The following ZNF385B variants were observed in gnomAD, a reference collection of about 807,000 sequenced individuals.
ZNF385B encodes zinc finger protein 385B.
In ZNF385B, 23 loss-of-function variants were observed where a neutral mutation model predicts 39.2. The observed-to-expected ratio is 0.59, with a 90% CI of 0.42 to 0.83. The LOEUF (loss-of-function observed/expected upper bound fraction) is 0.83, where lower values mean the gene tolerates loss of function less well. Ranked by LOEUF, ZNF385B falls within the 40% of genes least tolerant of loss-of-function variation. ZNF385B has a pLI of 0.00. For missense variants in ZNF385B, 552 were observed against 598.9 expected (o/e 0.92, Z 0.82); for synonymous variants, 205 against 222.6 (o/e 0.92, Z 0.70).
intron 5 of ZNF385B, among the ~76,000 whole-genome samples, chr2:179,494,108 C>T (rs2055891554): frequency 2.0e-5 from 3 of 151,612 alleles, no homozygotes; most frequent in African/African-American, 7.3e-5. Flanking sequence ...GTGTAACGTG[C>T]CATTTTAAGT....
chr2:179,825,641 G>T (rs1707637777), intron 1 of ZNF385B, among the ~76,000 whole-genome samples: 1 of 152,124 alleles, frequency 6.6e-6, no homozygotes, highest in Non-Finnish European at 1.5e-5. Context: ...GGCTTTATCA[G>T]TTAAGGAGTA....
intron 5 of ZNF385B, among the ~76,000 whole-genome samples, chr2:179,501,638 A>G (rs2056772836): frequency 6.6e-6 from 1 of 152,162 alleles, no homozygotes; most frequent in Non-Finnish European, 1.5e-5. Flanking sequence ...CCAAAAAGAA[A>G]ATACAAAGAA....
intron 1 of ZNF385B, among the ~76,000 whole-genome samples, chr2:179,828,705 T>A (rs958204406): frequency 1.3e-5 from 2 of 152,176 alleles, no homozygotes; most frequent in African/African-American, 4.8e-5. Context: ...AACTTTAAAA[T>A]CTTTTCTTTA....
intron 4 of ZNF385B, chr2:179,534,830 A>G (rs965778233): frequency 1.3e-5 from 2 of 152,140 alleles, no homozygotes; most frequent in African/African-American, 4.8e-5. Flanking sequence ...TGAGGTCCCA[A>G]AGAACTCTCC....
chr2:179,461,220 GTA>G (rs1294976222), intron 6 of ZNF385B, among the ~76,000 whole-genome samples: 1 of 152,132 alleles, frequency 6.6e-6, no homozygotes, highest in Non-Finnish European at 1.5e-5. Flanking sequence ...TGTAACATAA[GTA>G]TGTTTGCTGA....
chr2:179,554,057 A>C (rs1243627836), intron 3 of ZNF385B, among the ~76,000 whole-genome samples: 1 of 148,974 alleles, frequency 6.7e-6, no homozygotes, highest in Non-Finnish European at 1.5e-5. Context: ...AAGAGTAGCT[A>C]TATCATAGGA....
At chr2:179,452,178 T>A (rs1456746111) in intron 6 of ZNF385B, among the ~76,000 whole-genome samples, 1 of 152,142 alleles carries the variant, frequency 6.6e-6, no homozygotes, top group Admixed American at 6.6e-5. Context: ...CAAAGTAGTG[T>A]CCTTGGGAAG....
chr2:179,646,305 C>G (rs1692713640), intron 3 of ZNF385B, among the ~76,000 whole-genome samples: 1 of 152,128 alleles, frequency 6.6e-6, no homozygotes, highest in South Asian at 2.1e-4. Context: ...AACCCAGCTA[C>G]TCAGCAGGCT....
chr2:179,553,863 T>C (rs2060735248), intron 3 of ZNF385B, among the ~76,000 whole-genome samples: 1 of 149,014 alleles, frequency 6.7e-6, no homozygotes. Flanking sequence ...GAATCAAGCC[T>C]TAAATTTTTT....
rs116938592 is a variant in ZNF385B, at chr2:179,747,355, G to A, written c.298+22148C>T. 4.2e-4 allele frequency among the ~76,000 whole-genome samples: 64 copies of A among 152,182 alleles called. 1 individual carries two copies. In the East Asian group the frequency reaches 6.8e-3, roughly 16 times the overall value. On this transcript the variant is annotated intron_variant, in intron 3 of 9. Coordinates refer to ENST00000410066, the MANE Select transcript of ZNF385B (RefSeq NM_152520.6). ...CGATTGGATATGCACATGCGTGTGC[G>A]TATACATATACCTATGCCATTGAAC...
intron 3 of ZNF385B, among the ~76,000 whole-genome samples, chr2:179,635,936 T>G (rs1691712635): frequency 6.6e-6 from 1 of 152,170 alleles, no homozygotes; most frequent in African/African-American, 2.4e-5. Flanking sequence ...TTATCAGAAA[T>G]TTTATCCTAT....
chr2:179,652,759 A>G (rs1051433656), intron 3 of ZNF385B, among the ~76,000 whole-genome samples: 6 of 152,026 alleles, frequency 3.9e-5, no homozygotes, highest in Non-Finnish European at 8.8e-5. Context: ...GAATGAATGA[A>G]TGACAACGAT....
At chr2:179,796,092 G>A (rs1705644091) in intron 1 of ZNF385B, 1 of 152,072 alleles carries the variant, frequency 6.6e-6, no homozygotes, top group Admixed American at 6.6e-5. Context: ...TTTTAAGATT[G>A]AAGAGCATGT....
chr2:179,687,596 C>T (rs1306778876), intron 3 of ZNF385B, among the ~76,000 whole-genome samples: 1 of 152,094 alleles, frequency 6.6e-6, no homozygotes, highest in Non-Finnish European at 1.5e-5. Flanking sequence ...CTATATTATC[C>T]CTATGTTCCT....
intron 3 of ZNF385B, among the ~76,000 whole-genome samples, chr2:179,647,774 A>C (rs577656419): frequency 1.3e-5 from 2 of 152,370 alleles, no homozygotes; most frequent in Non-Finnish European, 2.9e-5. Context: ...AAAGAGACTC[A>C]GAAAAGAGAG....
chr2:179,778,650 T>C (rs1158066134), intron 1 of ZNF385B, among the ~76,000 whole-genome samples: 2 of 152,202 alleles, frequency 1.3e-5, no homozygotes, highest in South Asian at 2.1e-4. Context: ...AGAGAACACA[T>C]TACATAGCTT....
At chr2:179,486,736 G>A (rs1455541735) in intron 5 of ZNF385B, among the ~76,000 whole-genome samples, 3 of 152,010 alleles carry the variant, frequency 2.0e-5, no homozygotes, top group East Asian at 3.9e-4. Context: ...GCAACATTAC[G>A]AGACCTTGTT....
intron 3 of ZNF385B, among the ~76,000 whole-genome samples, chr2:179,558,540 A>G (rs760193248): frequency 1.5e-4 from 23 of 152,174 alleles, no homozygotes; most frequent in Non-Finnish European, 2.5e-4. Flanking sequence ...CTTTAGCTTA[A>G]ATATTAACCA....
intron 4 of ZNF385B, among the ~76,000 whole-genome samples, chr2:179,527,808 C>T (rs921707233): frequency 1.4e-4 from 22 of 152,036 alleles, no homozygotes; most frequent in African/African-American, 5.3e-4. Flanking sequence ...ACCTATCATA[C>T]ATTGTTTTAG....
Sources: gnomAD v4.1 joint callset for allele counts (sites outside exome capture counted in the v4.1 genomes callset) on GRCh38, gnomAD v4.1.1 for gene constraint, MANE v1.5 for transcripts, NCBI Gene and HGNC (gene_info 2026-07-23, HGNC 2026-07-21) for gene names.